The following PTPRO variants were observed in gnomAD, a reference collection of about 807,000 sequenced individuals.
PTPRO encodes receptor-type tyrosine-protein phosphatase O.
Under a neutral mutation model 145.2 loss-of-function variants are expected in PTPRO, and 62 were observed. That is an observed-to-expected ratio of 0.43 (90% CI 0.35 to 0.53). The LOEUF (loss-of-function observed/expected upper bound fraction) is 0.53, where lower values mean the gene tolerates loss of function less well. Among genes scored for constraint, PTPRO ranks in the 20% least tolerant of loss-of-function variants. PTPRO has a pLI of 0.01. For missense variants in PTPRO, 1,345 were observed against 1,482.7 expected (o/e 0.91, Z 1.53); for synonymous variants, 565 against 514.7 (o/e 1.10, Z -1.32).
intron 1 of PTPRO, among the ~76,000 whole-genome samples, chr12:15,459,116 G>A (rs917711268): frequency 1.3e-5 from 2 of 152,184 alleles, no homozygotes; most frequent in African/African-American, 4.8e-5. Context: ...TAAGACAAGT[G>A]AGACAGAAGC....
rs1471846972 is a variant in PTPRO, at chr12:15,416,701, A to T, written c.76-67273A>T. ...ACTGAGCAGTTTCTTGTATCCTATCAGTGGTTTTGCCACTTCCTTCTTTTT... is the reference window on the plus strand; with the variant it reads ...ACTGAGCAGTTTCTTGTATCCTATCTGTGGTTTTGCCACTTCCTTCTTTTT... On this transcript the variant is annotated intron_variant, in intron 1 of 26. Transcript: ENST00000281171. Among the ~76,000 whole-genome samples, 4 of 145,774 alleles carry T rather than the reference A, an allele frequency of 2.7e-5. No individual in the cohort carries two copies. The East Asian group carries it at 7.9e-4, about 29-fold the overall frequency.
At chr12:15,490,380 G>A (rs746488864) in intron 2 of PTPRO, among the ~76,000 whole-genome samples, 2 of 152,226 alleles carry the variant, frequency 1.3e-5, no homozygotes, top group East Asian at 1.9e-4. Context: ...CAACTCTGCC[G>A]TTGTAAACAA....
intron 3 of PTPRO, 76 bp from the exon 4 acceptor site, chr12:15,499,366 A>T: frequency 7.1e-7 from 1 of 1,400,750 alleles, no homozygotes; most frequent in Non-Finnish European, 1.0e-6. Context: ...GTTTAGCCAT[A>T]ATTGTTTCAA....
chr12:15,497,282 T>C lies in PTPRO; in HGVS notation c.387T>C (p.Tyr129=), dbSNP rs1274495420. The C allele has an allele frequency of 6.3e-7, 1 of 1,586,430 alleles. No individual in the cohort carries two copies. Among genetic ancestry groups the C allele is most frequent in the Non-Finnish European group, 8.7e-7 (1 of 1,155,120 alleles). The change falls in exon 3 of 27, where the codon TAT becomes TAC. Residue 129 remains tyrosine, a synonymous_variant. Coordinates refer to ENST00000281171, the MANE Select transcript of PTPRO (RefSeq NM_030667.3). ...LPVTSVSIYD[Y]KPSPETGVLF... is the part of the protein sequence containing the mutation. The stretch of plus-strand genomic sequence containing the variant: ...TAACCAGTGTTTCCATATATGACTA[T>C]AAACCTTCTCCTGAAACAGGAGTCC...
At chr12:15,432,743 C>G (rs1229226682) in intron 1 of PTPRO, among the ~76,000 whole-genome samples, 3 of 152,214 alleles carry the variant, frequency 2.0e-5, no homozygotes, top group African/African-American at 7.2e-5. Context: ...TTGCATTTCT[C>G]TAATAATCAG....
chr12:15,331,463 G>C (rs1224020040), intron 1 of PTPRO, among the ~76,000 whole-genome samples: 2 of 152,138 alleles, frequency 1.3e-5, no homozygotes, highest in African/African-American at 4.8e-5. Context: ...AGGATGCTGG[G>C]AAAGTTATTT....
At chr12:15,554,973 G>C (rs182753678) in intron 15 of PTPRO, among the ~76,000 whole-genome samples, 37 of 152,316 alleles carry the variant, frequency 2.4e-4, no homozygotes, top group African/African-American at 7.9e-4. Flanking sequence ...TCTGCACAGT[G>C]GCTCATGCTT....
intron 1 of PTPRO, among the ~76,000 whole-genome samples, chr12:15,416,912 TG>T (rs1939996841): frequency 6.6e-6 from 1 of 151,570 alleles, no homozygotes; most frequent in African/African-American, 2.4e-5. Flanking sequence ...ATATACTGTA[TG>T]GGGAGAAGTG....
chr12:15,483,875 T>A (rs1941831284), intron 1 of PTPRO, 99 bp from the exon 2 acceptor site: 1 of 1,309,510 alleles, frequency 7.6e-7, no homozygotes, highest in Middle Eastern at 2.3e-4. Flanking sequence ...AACTAATGTT[T>A]ATGATACACA....
intron 1 of PTPRO, among the ~76,000 whole-genome samples, chr12:15,434,442 G>A (rs1940540509): frequency 6.6e-6 from 1 of 152,184 alleles, no homozygotes; most frequent in Non-Finnish European, 1.5e-5. Context: ...TTCTACCAGG[G>A]TGAATGGTAA....
chr12:15,508,482 A>G, intron 6 of PTPRO, 89 bp from the exon 7 acceptor site: 2 of 1,377,008 alleles, frequency 1.5e-6, no homozygotes, highest in Non-Finnish European at 2.0e-6. Context: ...TGTAAGGGCA[A>G]AAAGAAAACA....
chr12:15,391,954 T>C (rs1461032), intron 1 of PTPRO, among the ~76,000 whole-genome samples: 50,642 of 152,058 alleles, frequency 0.33, 9,409 homozygotes, highest in African/African-American at 0.51. Context: ...AGTGCATGTA[T>C]CACATCCAAG....
At chr12:15,354,318 C>T (rs1191936448) in intron 1 of PTPRO, among the ~76,000 whole-genome samples, 2 of 152,188 alleles carry the variant, frequency 1.3e-5, no homozygotes, top group Non-Finnish European at 2.9e-5. Flanking sequence ...ACTGAAGCTT[C>T]ACCATAAATG....
intron 21 of PTPRO, 32 bp downstream of exon 21, chr12:15,580,147 A>G: frequency 1.3e-6 from 2 of 1,532,910 alleles, no homozygotes; most frequent in Non-Finnish European, 1.8e-6. Flanking sequence ...GGCATCCCAA[A>G]GCTAACCAGC....
At chr12:15,419,427 T>C (rs1205570015) in intron 1 of PTPRO, among the ~76,000 whole-genome samples, 1 of 151,582 alleles carries the variant, frequency 6.6e-6, no homozygotes, top group Non-Finnish European at 1.5e-5. Flanking sequence ...TTCCCTTCTT[T>C]TCCAAGGTTC....
chr12:15,427,103 G>A (rs568751767), intron 1 of PTPRO, among the ~76,000 whole-genome samples: 23 of 152,132 alleles, frequency 1.5e-4, no homozygotes, highest in African/African-American at 5.5e-4. Context: ...TTATAATTTG[G>A]TAGTATGTCT....
At chr12:15,357,575 G>T (rs1938036035) in intron 1 of PTPRO, among the ~76,000 whole-genome samples, 1 of 151,556 alleles carries the variant, frequency 6.6e-6, no homozygotes, top group African/African-American at 2.4e-5. Flanking sequence ...AGTGGGCAAA[G>T]GACATGAACA....
At chr12:15,325,436 T>C (rs1866418465) in intron 1 of PTPRO, among the ~76,000 whole-genome samples, 1 of 152,244 alleles carries the variant, frequency 6.6e-6, no homozygotes, top group African/African-American at 2.4e-5. Flanking sequence ...TCTCAGACTG[T>C]CTAAATCATT....
chr12:15,531,202 A>T (rs1164272049), intron 12 of PTPRO, among the ~76,000 whole-genome samples: 1 of 152,176 alleles, frequency 6.6e-6, no homozygotes, highest in African/African-American at 2.4e-5. Flanking sequence ...GAGCAGTGAG[A>T]TGAAAGTCAT....
Sources: gnomAD v4.1 joint callset for allele counts (sites outside exome capture counted in the v4.1 genomes callset) on GRCh38, gnomAD v4.1.1 for gene constraint, MANE v1.5 for transcripts, NCBI Gene and HGNC (gene_info 2026-07-23, HGNC 2026-07-21) for gene names.